Variants in MTF1 observed in about 807,000 individuals in gnomAD.
The protein encoded by MTF1 is metal regulatory transcription factor 1.
In MTF1, 22 loss-of-function variants were observed where a neutral mutation model predicts 70.4. That is an observed-to-expected ratio of 0.31 (90% CI 0.22 to 0.45). The LOEUF (loss-of-function observed/expected upper bound fraction) is 0.45. MTF1 is among the 20% of genes least tolerant of loss of function. MTF1 has a pLI of 1.00. For synonymous variants in MTF1, 333 were observed against 352.8 expected, an observed-to-expected ratio of 0.94 and a Z score of 0.63; for missense variants, 649 against 922.0, an observed-to-expected ratio of 0.70 and a Z score of 3.83.
chr1:37,835,549 C>A, intron 5 of MTF1, 122 bp downstream of exon 5: 1 of 751,050 alleles, frequency 1.3e-6, no homozygotes. Context: ...TAAGGCTGAG[C>A]TAATTATGCT....
At chr1:37,848,669 G>A (rs1486071663) in intron 2 of MTF1, among the ~76,000 whole-genome samples, 2 of 152,162 alleles carry the variant, frequency 1.3e-5, no homozygotes, top group African/African-American at 4.8e-5. Context: ...CCTGAGTGAT[G>A]GAAATGCTGA....
intron 2 of MTF1, among the ~76,000 whole-genome samples, chr1:37,845,406 C>G (rs1641317468): frequency 6.6e-6 from 1 of 151,350 alleles, no homozygotes; most frequent in African/African-American, 2.4e-5. Context: ...CTACACTTTC[C>G]AGAAATTTGG....
chr1:37,852,509 C>T (rs760111761), intron 2 of MTF1, among the ~76,000 whole-genome samples: 4 of 152,178 alleles, frequency 2.6e-5, no homozygotes, highest in South Asian at 2.1e-4. Context: ...TCTACCACAA[C>T]GGACTCTTAA....
chr1:37,834,840 C>T (rs759930913), intron 6 of MTF1, among the ~76,000 whole-genome samples: 6 of 152,152 alleles, frequency 3.9e-5, no homozygotes, highest in South Asian at 2.1e-4. Flanking sequence ...TTTACCAAGA[C>T]GAGGAAGACT....
intron 9 of MTF1, among the ~76,000 whole-genome samples, chr1:37,819,951 CAAAAAAAAAAAAAAAA>C (rs766621404): frequency 0.011 from 898 of 82,734 alleles, 31 homozygotes; most frequent in East Asian, 0.035. Context: ...GACTCTGACT[CAAAAAAAAAAAAAAAA>C]AAAAAAAAAA....
At chr1:37,849,082 A>G (rs1458310818) in intron 2 of MTF1, among the ~76,000 whole-genome samples, 1 of 152,222 alleles carries the variant, frequency 6.6e-6, no homozygotes, top group Non-Finnish European at 1.5e-5. Context: ...GCCACTGGCC[A>G]TGCAATTAGT....
chr1:37,840,182 C>G lies in MTF1; in HGVS notation c.409-24G>C. The G allele has an allele frequency of 1.9e-6, 3 of 1,609,396 alleles. No individual in the cohort carries two copies. Among genetic ancestry groups the G allele is most frequent in the Non-Finnish European group, 2.6e-6 (3 of 1,176,250 alleles). On this transcript the variant is annotated intron_variant, in intron 2 of 10. Transcript: ENST00000373036. The surrounding 1 kb of genome is among the most constrained non-coding windows in gnomAD (Gnocchi z 4.5). ...ACCTGGCAGAGAAAAGATACCTCATCAACAGGACAAAAATGCTGCCCAGGG... is the reference window on the plus strand; with the variant it reads ...ACCTGGCAGAGAAAAGATACCTCATGAACAGGACAAAAATGCTGCCCAGGG...
At position 37,827,336 on chromosome 1, in the gene MTF1, GTTATTA is replaced by G. The variant is rs71573764; in HGVS notation, c.1069-3530_1069-3525del. Among the ~76,000 whole-genome samples, 596 of 144,070 alleles carry G rather than the reference GTTATTA, an allele frequency of 4.1e-3. 2 individuals carry two copies. The highest frequency in any genetic ancestry group is 8.5e-3 in the East Asian group (42 of 4,958). 94.5% of individuals were successfully genotyped at this position (144,070 alleles called of 152,430 possible). A position where few individuals can be genotyped will look rare whatever the true frequency, so the allele number is the denominator to read the frequency against. On this transcript the variant is annotated intron_variant, in intron 7 of 10. Coordinates refer to ENST00000373036, the MANE Select transcript of MTF1 (RefSeq NM_005955.3). ...TAAGCTTTGCAACCTCCTCATAGTT[GTTATTA>G]TTATTATTATTATTATTATTATTAT...
Position 37,838,795 on chromosome 1 carries a change from T to TTC in MTF1, c.648-41_648-40dup, listed in dbSNP as rs370555638. 6.1e-5 allele frequency: 80 copies of TTC among 1,309,414 alleles called. No individual in the cohort carries two copies. The Middle Eastern group carries it at 1.1e-3, about 19-fold the overall frequency. The allele number at this position is 1,309,414 out of a possible 1,614,324, so 81.1% of individuals were successfully genotyped here. On this transcript the variant is annotated intron_variant, in intron 3 of 10. Transcript: ENST00000373036. ...CAGAAAAATTCCCTTTGTCATAAAA[T>TTC]TCTTTTTTTTTTTTTTTTTTTTTTC...
Position 37,815,366 on chromosome 1 carries a change from A to G in MTF1, c.2032T>C (p.Phe678Leu). The change falls in exon 11 of 11, where the codon TTC (phenylalanine) becomes CTC (leucine). Residue 678 changes from phenylalanine to leucine, a missense_variant. Phe to Leu is a conservative substitution (Grantham distance 22). Coordinates refer to ENST00000373036, the MANE Select transcript of MTF1 (RefSeq NM_005955.3). The surrounding 1 kb of genome is among the most constrained non-coding windows in gnomAD (Gnocchi z 4.5). Reference sequence around the variant, plus strand: ...GACCCGGGAACAGGGGCTGAAGAGAAAGTCTGCGCTGGGAGCTGCAGGCTG... The same window carrying G: ...GACCCGGGAACAGGGGCTGAAGAGAGAGTCTGCGCTGGGAGCTGCAGGCTG... ...GPSLQLPAQT[F>L]SSAPVPGSSS... is the part of the protein sequence containing the mutation. 6.2e-7 allele frequency: 1 copy of G among 1,614,074 alleles called. No individual in the cohort carries two copies. Among genetic ancestry groups the G allele is most frequent in the African/African-American group, 1.3e-5 (1 of 75,006 alleles).
intron 2 of MTF1, among the ~76,000 whole-genome samples, chr1:37,844,242 T>G (rs1641299745): frequency 6.6e-6 from 1 of 152,204 alleles, no homozygotes; most frequent in African/African-American, 2.4e-5. Flanking sequence ...TAAGCAACAG[T>G]ACACTCTTAC....
At position 37,816,108 on chromosome 1, in the gene MTF1, G is replaced by C. The variant is rs567742934; in HGVS notation, c.1832-542C>G. On this transcript the variant is annotated intron_variant, in intron 10 of 10. Transcript: ENST00000373036. ...CCTCTCTCCTTGCGGTACAGGACCT[G>C]CTTGGTTCTGCCTGCCCAGGAGACT... Among the ~76,000 whole-genome samples the C allele has an allele frequency of 3.3e-5, 5 of 152,314 alleles. No individual in the cohort carries two copies. In the South Asian group the frequency reaches 1.0e-3, roughly 32 times the overall value.
intron 3 of MTF1, among the ~76,000 whole-genome samples, chr1:37,839,706 G>A (rs545746660): frequency 5.3e-5 from 8 of 152,270 alleles, no homozygotes; most frequent in African/African-American, 1.4e-4. Flanking sequence ...CCCAAGATAC[G>A]TCCATCTTTA....
chr1:37,841,108 TC>T (rs1641248291), intron 2 of MTF1: 1 of 166,974 alleles, frequency 6.0e-6, no homozygotes, highest in Non-Finnish European at 1.3e-5. Flanking sequence ...TGGGGTCACC[TC>T]TCGAGGATGA....
chr1:37,833,865 C>G (rs1424316399), intron 6 of MTF1, among the ~76,000 whole-genome samples: 1 of 151,814 alleles, frequency 6.6e-6, no homozygotes, highest in Non-Finnish European at 1.5e-5. Context: ...GTATAAAGGC[C>G]TAGGGGCAGG....
rs1557594148 is a variant in MTF1, at chr1:37,838,775, A to AAAT, written c.648-22_648-20dup. ...TTTCAGCCTGCAAAATATTCCAGAA[A>AAAT]AATTCCCTTTGTCATAAAATTCTTT... On this transcript the variant is annotated intron_variant, in intron 3 of 10. Transcript: ENST00000373036. 4.0e-6 allele frequency: 5 copies of AAAT among 1,256,604 alleles called. No individual in the cohort carries two copies. Among genetic ancestry groups the AAAT allele is most frequent in the Non-Finnish European group, 5.3e-6 (5 of 937,246 alleles). 77.8% of individuals were successfully genotyped at this position (1,256,604 alleles called of 1,614,324 possible).
chr1:37,842,615 A>C (rs1263046974), intron 2 of MTF1, among the ~76,000 whole-genome samples: 1 of 152,086 alleles, frequency 6.6e-6, no homozygotes, highest in Non-Finnish European at 1.5e-5. Flanking sequence ...AGGGATTCCC[A>C]ATTTTGTCTC....
rs367941204 is a variant in MTF1, at chr1:37,852,022, CG to C, written c.408+5228del. On this transcript the variant is annotated intron_variant, in intron 2 of 10. Coordinates refer to ENST00000373036, the MANE Select transcript of MTF1 (RefSeq NM_005955.3). Reference sequence around the variant, plus strand: ...CAACCAGCACAACTAAAGGCTTCTTCGGGGCTCCTCAATCCCTCTGCAGGGT... The same window carrying C: ...CAACCAGCACAACTAAAGGCTTCTTCGGGCTCCTCAATCCCTCTGCAGGGT... Among the ~76,000 whole-genome samples the C allele has an allele frequency of 1.1e-4, 17 of 152,278 alleles. No individual in the cohort carries two copies. The East Asian group carries it at 2.7e-3, about 24-fold the overall frequency.
chr1:37,823,316 G>A (rs1312425196), intron 8 of MTF1, among the ~76,000 whole-genome samples: 3 of 152,048 alleles, frequency 2.0e-5, no homozygotes, highest in Admixed American at 2.0e-4. Flanking sequence ...GGTAGCACGT[G>A]CCTGTGGTCC....
Sources: allele counts gnomAD v4.1 joint callset (sites outside exome capture counted in the v4.1 genomes callset), GRCh38; gene constraint gnomAD v4.1.1; non-coding constraint Gnocchi (gnomAD v3.1); transcripts MANE v1.5; gene names NCBI Gene and HGNC (gene_info 2026-07-23, HGNC 2026-07-21).